Variants in ENTREP2 observed in about 807,000 individuals in gnomAD.
The protein encoded by ENTREP2 is endosomal transmembrane epsin interactor 2.
the ENTREP2 span, among the ~76,000 whole-genome samples, chr15:29,388,724 T>A: frequency 6.6e-6 from 1 of 152,080 alleles, no homozygotes; most frequent in Admixed American, 6.6e-5. Context: ...CAAATGTCCA[T>A]CAATGATAGA....
chr15:29,340,983 G>A, the ENTREP2 span, among the ~76,000 whole-genome samples: 1 of 152,160 alleles, frequency 6.6e-6, no homozygotes, highest in South Asian at 2.1e-4. Flanking sequence ...CAGGCCCCAT[G>A]GGAGAGCTGG....
chr15:29,500,799 C>T, the ENTREP2 span, among the ~76,000 whole-genome samples: 1 of 151,866 alleles, frequency 6.6e-6, no homozygotes, highest in Non-Finnish European at 1.5e-5. Flanking sequence ...TCAACAAAAC[C>T]AAAGTTGGTT....
chr15:29,169,759 A>G, the ENTREP2 span, among the ~76,000 whole-genome samples: 1 of 152,342 alleles, frequency 6.6e-6, no homozygotes, highest in Admixed American at 6.5e-5. Flanking sequence ...TAAACTTGAA[A>G]TAGACAGGAG....
chr15:29,580,131 G>A, the ENTREP2 span, among the ~76,000 whole-genome samples: 2 of 152,074 alleles, frequency 1.3e-5, no homozygotes, highest in African/African-American at 4.8e-5. Flanking sequence ...AAAGGCATGA[G>A]TCACCACGCC....
the ENTREP2 span, among the ~76,000 whole-genome samples, chr15:29,437,485 C>T: frequency 2.0e-5 from 3 of 152,228 alleles, no homozygotes; most frequent in Non-Finnish European, 2.9e-5. Context: ...TATAATATTG[C>T]ATCTCCAACT....
the ENTREP2 span, among the ~76,000 whole-genome samples, chr15:29,260,779 T>C: frequency 2.4e-4 from 37 of 152,218 alleles, no homozygotes; most frequent in African/African-American, 8.4e-4. Context: ...ATAAAAAATT[T>C]AAAAACAGAT....
the ENTREP2 span, among the ~76,000 whole-genome samples, chr15:29,317,734 T>C: frequency 6.6e-6 from 1 of 152,254 alleles, no homozygotes; most frequent in East Asian, 1.9e-4. Flanking sequence ...CATGCAGAAT[T>C]GAACTTATGG....
the ENTREP2 span, among the ~76,000 whole-genome samples, chr15:29,483,394 A>G: frequency 9.2e-5 from 14 of 152,334 alleles, no homozygotes; most frequent in African/African-American, 3.1e-4. Context: ...TTGTATCTAA[A>G]AAATCCATCA....
the ENTREP2 span, among the ~76,000 whole-genome samples, chr15:29,224,715 G>T: frequency 1.3e-5 from 2 of 152,174 alleles, no homozygotes; most frequent in Non-Finnish European, 2.9e-5. Context: ...CCAGACTCAG[G>T]AGCCCAGCTG....
the ENTREP2 span, among the ~76,000 whole-genome samples, chr15:29,657,477 G>A: frequency 1.8e-4 from 19 of 104,654 alleles, no homozygotes; most frequent in South Asian, 5.0e-3. Flanking sequence ...CTGTCGGCTG[G>A]GGGGGCGGGG....
the ENTREP2 span, among the ~76,000 whole-genome samples, chr15:29,629,477 T>TA: frequency 2.0e-5 from 3 of 152,234 alleles, no homozygotes; most frequent in Non-Finnish European, 4.4e-5. Flanking sequence ...ATAATTTTCT[T>TA]AGTGTTTGCT....
the ENTREP2 span, among the ~76,000 whole-genome samples, chr15:29,490,416 C>G: frequency 1.3e-5 from 2 of 152,230 alleles, no homozygotes; most frequent in African/African-American, 2.4e-5. Context: ...CAGTTTGCGG[C>G]TGCTGGCTCC....
chr15:29,595,446 G>A, the ENTREP2 span, among the ~76,000 whole-genome samples: 7 of 152,046 alleles, frequency 4.6e-5, 1 homozygote, highest in African/African-American at 7.2e-5. Flanking sequence ...ATTATTCACT[G>A]GAGTCCATAC....
the ENTREP2 span, among the ~76,000 whole-genome samples, chr15:29,668,916 G>A: frequency 2.0e-5 from 3 of 152,222 alleles, no homozygotes; most frequent in Non-Finnish European, 2.9e-5. Flanking sequence ...AGGCCCAGCA[G>A]ACTTTACCGC....
chr15:29,195,803 G>A, the ENTREP2 span, among the ~76,000 whole-genome samples: 1 of 152,206 alleles, frequency 6.6e-6, no homozygotes, highest in Admixed American at 6.5e-5. Context: ...GGGATTACAG[G>A]CGTGAGCCAC....
At chr15:29,350,873 C>CAGAGAA in the ENTREP2 span, among the ~76,000 whole-genome samples, 1 of 152,162 alleles carries the variant, frequency 6.6e-6, no homozygotes, top group Admixed American at 6.5e-5. Flanking sequence ...ACCCAGGAGG[C>CAGAGAA]AGAGGCTGCA....
At chr15:29,603,530 G>C in the ENTREP2 span, among the ~76,000 whole-genome samples, 7 of 152,198 alleles carry the variant, frequency 4.6e-5, no homozygotes, top group Admixed American at 3.3e-4. Context: ...CTGGGTGTCA[G>C]TGAGTGCTCT....
the ENTREP2 span, among the ~76,000 whole-genome samples, chr15:29,412,531 TAA>T: frequency 6.6e-6 from 1 of 152,148 alleles, no homozygotes; most frequent in Non-Finnish European, 1.5e-5. Context: ...ACAGTTCTAT[TAA>T]GTTTGTATAT....
the ENTREP2 span, among the ~76,000 whole-genome samples, chr15:29,418,401 C>G: frequency 1.3e-5 from 2 of 152,152 alleles, no homozygotes; most frequent in Admixed American, 1.3e-4. Flanking sequence ...CCACACCCTC[C>G]GTGCAGAGTA....
Sources: gnomAD v4.1 joint callset for allele counts (sites outside exome capture counted in the v4.1 genomes callset) on GRCh38, gnomAD v4.1.1 for gene constraint, MANE v1.5 for transcripts, NCBI Gene and HGNC (gene_info 2026-07-23, HGNC 2026-07-21) for gene names.